TAS2R1: variants seen among roughly 807,000 people sequenced by gnomAD.
The protein encoded by TAS2R1 is taste 2 receptor member 1.
For missense variants in TAS2R1, 370 were observed against 353.4 expected (o/e 1.05, Z -0.38); for synonymous variants, 141 against 134.2 (o/e 1.05, Z -0.35).
At chr5:9,632,552 T>C (rs1211230576), upstream of TAS2R1, among the ~76,000 whole-genome samples, 1 of 152,212 alleles carries the variant, frequency 6.6e-6, no homozygotes, top group Non-Finnish European at 1.5e-5. Context: ...CTGGAGTCAG[T>C]CCTCTCAAAC....
intron 1 of TAS2R1, among the ~76,000 whole-genome samples, chr5:9,660,443 T>C (rs960037111): frequency 8.5e-5 from 13 of 152,062 alleles, no homozygotes; most frequent in Admixed American, 2.6e-4. Context: ...ATAGAACATG[T>C]CCTACTAGTC....
intron 1 of TAS2R1, among the ~76,000 whole-genome samples, chr5:9,702,559 C>G (rs1487832844): frequency 6.6e-6 from 1 of 152,168 alleles, no homozygotes; most frequent in Non-Finnish European, 1.5e-5. Context: ...TAGAAACCCA[C>G]CCGGCTGAGC....
the TAS2R1 span, among the ~76,000 whole-genome samples, chr5:9,778,665 A>G: frequency 6.6e-6 from 1 of 152,214 alleles, no homozygotes. Flanking sequence ...TATGTTATGG[A>G]GATGGCTTAC....
the TAS2R1 span, among the ~76,000 whole-genome samples, chr5:9,893,632 TACA>T: frequency 2.0e-5 from 3 of 152,180 alleles, no homozygotes; most frequent in Non-Finnish European, 4.4e-5. Flanking sequence ...AAAAGTGTAT[TACA>T]ACAACGTAAT....
At chr5:9,699,215 A>G (rs1328809580) in intron 1 of TAS2R1, among the ~76,000 whole-genome samples, 1 of 152,210 alleles carries the variant, frequency 6.6e-6, no homozygotes, top group Non-Finnish European at 1.5e-5. Context: ...AATGATTAGA[A>G]TATCTATTTC....
chr5:9,821,667 T>C, the TAS2R1 span, among the ~76,000 whole-genome samples: 1 of 152,188 alleles, frequency 6.6e-6, no homozygotes, highest in Non-Finnish European at 1.5e-5. Context: ...AAATTGATAA[T>C]AGTGATTGCC....
At position 9,712,029 on chromosome 5, in the gene TAS2R1, AGGG is replaced by A. The variant is rs1322026325; in HGVS notation, c.-242+140_-242+142del. 34 of 4,778 alleles carry A rather than the reference AGGG, an allele frequency of 7.1e-3. 1 individual carries two copies. The highest frequency in any genetic ancestry group is 0.01 in the Non-Finnish European group (29 of 2,818). The allele number at this position is 4,778 out of a possible 1,614,324, so 0.3% of individuals were successfully genotyped here. ...AGAGAAAGAGAGAAGGAAGGAAGGA[AGGG>A]AGGGAGGGAGGGAGGGAGGGAGGGA... On this transcript the variant is annotated intron_variant, in intron 1 of 2. Coordinates refer to the TAS2R1 transcript ENST00000506620.
the TAS2R1 span, among the ~76,000 whole-genome samples, chr5:9,795,109 C>T: frequency 1.3e-5 from 2 of 152,258 alleles, no homozygotes; most frequent in Non-Finnish European, 2.9e-5. Context: ...CTATTTGAAA[C>T]TGTATCATAT....
chr5:9,762,846 T>C, the TAS2R1 span, among the ~76,000 whole-genome samples: 1 of 152,212 alleles, frequency 6.6e-6, no homozygotes, highest in Non-Finnish European at 1.5e-5. Context: ...ATTATTCCAC[T>C]GGGATGAGAT....
At chr5:9,850,720 G>A in the TAS2R1 span, among the ~76,000 whole-genome samples, 3 of 152,190 alleles carry the variant, frequency 2.0e-5, no homozygotes, top group Non-Finnish European at 4.4e-5. Context: ...AAACAGATGG[G>A]CACACGTGTA....
chr5:9,863,516 T>G, the TAS2R1 span, among the ~76,000 whole-genome samples: 1 of 152,106 alleles, frequency 6.6e-6, no homozygotes, highest in Non-Finnish European at 1.5e-5. Flanking sequence ...TCTGCCCCCT[T>G]GGCCTCCCAT....
the TAS2R1 span, among the ~76,000 whole-genome samples, chr5:9,811,850 A>G: frequency 6.6e-6 from 1 of 151,932 alleles, no homozygotes; most frequent in Non-Finnish European, 1.5e-5. Context: ...AATCTCTCCA[A>G]CCAAATGACA....
At chr5:9,676,986 C>A (rs576232745) in intron 1 of TAS2R1, among the ~76,000 whole-genome samples, 1 of 152,200 alleles carries the variant, frequency 6.6e-6, no homozygotes, top group African/African-American at 2.4e-5. Context: ...TTCATAATAG[C>A]AATCACATGG....
At chr5:9,806,509 A>C in the TAS2R1 span, among the ~76,000 whole-genome samples, 1 of 152,164 alleles carries the variant, frequency 6.6e-6, no homozygotes, top group African/African-American at 2.4e-5. Context: ...CTATAAGGCC[A>C]TTGTCATCAA....
the TAS2R1 span, among the ~76,000 whole-genome samples, chr5:9,870,730 T>G: frequency 6.6e-6 from 1 of 152,066 alleles, no homozygotes; most frequent in Non-Finnish European, 1.5e-5. Context: ...AGTAGTCCAA[T>G]CCCCCAGAAA....
At chr5:9,875,550 G>A in the TAS2R1 span, among the ~76,000 whole-genome samples, 1 of 152,188 alleles carries the variant, frequency 6.6e-6, no homozygotes, top group African/African-American at 2.4e-5. Context: ...CACACAGTAC[G>A]AAATCCCACA....
the TAS2R1 span, among the ~76,000 whole-genome samples, chr5:9,852,529 C>T: frequency 3.9e-5 from 6 of 152,288 alleles, no homozygotes; most frequent in South Asian, 2.1e-4. Context: ...AACTCAGTGC[C>T]TCCCACAAAT....
rs753740244 is a variant in TAS2R1, at chr5:9,629,842, T to G, written c.191A>C (p.Tyr64Ser). ...GAAGAAGATAACAATCACATTAACG[T>G]AGAAGATGAACAACTGCAGAAAAAT... The part of the protein sequence containing the change: ...SRIFLQLFIF[Y>S]VNVIVIFFIE... The change falls in exon 1 of 1, where the codon TAC (tyrosine) becomes TCC (serine). Residue 64 changes from tyrosine (Y) to serine (S), a missense_variant. By Grantham distance (144) the Tyr-to-Ser change is moderately radical. Coordinates refer to ENST00000382492, the MANE Select transcript of TAS2R1 (RefSeq NM_019599.3). 1.9e-6 allele frequency: 3 copies of G among 1,613,574 alleles called. No homozygotes were observed. The East Asian group carries it at 6.7e-5, about 36-fold the overall frequency.
the TAS2R1 span, among the ~76,000 whole-genome samples, chr5:9,834,336 A>G: frequency 4.1e-3 from 632 of 152,368 alleles, 2 homozygotes; most frequent in Non-Finnish European, 5.2e-3. Flanking sequence ...GTGACCCCCA[A>G]TTGAGTTAGC....
Sources: allele counts gnomAD v4.1 joint callset (sites outside exome capture counted in the v4.1 genomes callset), GRCh38; gene constraint gnomAD v4.1.1; transcripts MANE v1.5; gene names NCBI Gene and HGNC (gene_info 2026-07-23, HGNC 2026-07-21).